The following SLC35F5 variants were observed in gnomAD, a reference collection of about 807,000 sequenced individuals.
SLC35F5 encodes the protein solute carrier family 35 member F5.
A neutral mutation model predicts 68.6 loss-of-function variants in SLC35F5; 54 were observed. The observed-to-expected ratio is 0.79, with a 90% CI of 0.63 to 0.99. SLC35F5 has a LOEUF of 0.99. Among genes scored for constraint, SLC35F5 ranks in the 50% least tolerant of loss-of-function variants. SLC35F5 has a pLI of 0.00. For synonymous variants in SLC35F5, 211 were observed against 205.2 expected (o/e 1.03, Z -0.24); for missense variants, 567 against 626.9 (o/e 0.90, Z 1.02).
rs1337740821 is a variant in SLC35F5, at chr2:113,710,366, G to A, written c.*4852C>T. Among the ~76,000 whole-genome samples the A allele has an allele frequency of 6.6e-6, 1 of 152,158 alleles. No homozygotes were observed. Among genetic ancestry groups the A allele is most frequent in the Non-Finnish European group, 1.5e-5 (1 of 68,024 alleles). ...GATGTTACATGGTCTGACTGACACT[G>A]GATTTCTTCATAAGAAAAATAAATG... On this transcript the variant is annotated 3_prime_UTR_variant, in exon 16 of 16. Transcript: ENST00000245680.
intron 11 of SLC35F5, among the ~76,000 whole-genome samples, chr2:113,727,936 T>C (rs1465434221): frequency 6.6e-6 from 1 of 152,202 alleles, no homozygotes; most frequent in Non-Finnish European, 1.5e-5. Context: ...AAAACTAGCA[T>C]TTTATTCCAT....
intron 8 of SLC35F5, 141 bp downstream of exon 8, chr2:113,735,636 A>G: frequency 1.9e-6 from 1 of 529,542 alleles, no homozygotes; most frequent in South Asian, 2.8e-5. Context: ...ACAGATTAAA[A>G]GGCAGTTGTA....
chr2:113,718,706 A>C (rs1257823221), intron 14 of SLC35F5, among the ~76,000 whole-genome samples: 1 of 152,014 alleles, frequency 6.6e-6, no homozygotes, highest in East Asian at 1.9e-4. Context: ...GAGGCAGGAG[A>C]ATCACTTGAA....
intron 11 of SLC35F5, among the ~76,000 whole-genome samples, chr2:113,726,342 A>G (rs867809252): frequency 1.2e-4 from 19 of 152,236 alleles, no homozygotes; most frequent in African/African-American, 4.6e-4. Flanking sequence ...ATATTATTAT[A>G]GAAATTAAGT....
At chr2:113,717,569 T>C in intron 15 of SLC35F5, 184 bp downstream of exon 15, 1 of 417,512 alleles carries the variant, frequency 2.4e-6, no homozygotes. Context: ...CATCAAGAGA[T>C]TAAGAACCTT....
chr2:113,741,694 TC>T (rs1254477560), intron 7 of SLC35F5, among the ~76,000 whole-genome samples: 1 of 97,312 alleles, frequency 1.0e-5, no homozygotes, highest in Non-Finnish European at 2.2e-5. Context: ...AGAGCGAAAC[TC>T]CATTAAAAAA....
chr2:113,739,660 A>G (rs1455820932), intron 7 of SLC35F5, among the ~76,000 whole-genome samples: 1 of 152,176 alleles, frequency 6.6e-6, no homozygotes, highest in Non-Finnish European at 1.5e-5. Context: ...GGCAGGACTA[A>G]AATGTATTAA....
intron 8 of SLC35F5, 31 bp from the exon 9 acceptor site, chr2:113,734,704 C>G (rs1449041841): frequency 7.3e-7 from 1 of 1,372,648 alleles, no homozygotes; most frequent in Admixed American, 1.9e-5. Context: ...AAAAATGGTA[C>G]ATGAGTTTAA....
rs1687092267 is a variant in SLC35F5 at position 113,714,167 on chromosome 2, A to G, written c.*1051T>C. On this transcript the variant is annotated 3_prime_UTR_variant, in exon 16 of 16. Coordinates refer to ENST00000245680, the MANE Select transcript of SLC35F5 (RefSeq NM_025181.5). ...ATTTAATTTATAATCTTAGTAGAGGAAAAGTTCTGATGTGATTTTAAAAAC... is the reference window on the plus strand; with the variant it reads ...ATTTAATTTATAATCTTAGTAGAGGGAAAGTTCTGATGTGATTTTAAAAAC... 1 of 152,148 alleles carries G rather than the reference A, an allele frequency of 6.6e-6. No homozygotes were observed. The highest frequency in any genetic ancestry group is 1.5e-5 in the Non-Finnish European group (1 of 67,988). The allele number at this position is 152,148 out of a possible 1,614,324, so 9.4% of individuals were successfully genotyped here.
chr2:113,742,152 G>T (rs1262296025), intron 7 of SLC35F5: 1 of 152,354 alleles, frequency 6.6e-6, no homozygotes, highest in Non-Finnish European at 1.5e-5. Context: ...TATTCTATGT[G>T]AAATCTTAAG....
At position 113,717,772 on chromosome 2, in the gene SLC35F5, C is replaced by CA; in HGVS notation, c.*2dup. ...ACAAACCTGGGCTACAGACAACAGA[C>CA]AGCTAACTAGCTCCATCCTCCTGAG... On this transcript the variant is annotated 3_prime_UTR_variant, in exon 15 of 16. Transcript: ENST00000245680. 6.2e-7 allele frequency: 1 copy of CA among 1,611,416 alleles called. No individual in the cohort carries two copies. The highest frequency in any genetic ancestry group is 8.5e-7 in the Non-Finnish European group (1 of 1,178,746).
chr2:113,735,433 T>C (rs1688052124), intron 8 of SLC35F5, among the ~76,000 whole-genome samples: 1 of 152,214 alleles, frequency 6.6e-6, no homozygotes, highest in Non-Finnish European at 1.5e-5. Flanking sequence ...GCTTGTAGGC[T>C]ACCAACTTAT....
chr2:113,724,414 G>A (rs1687579342), intron 12 of SLC35F5, among the ~76,000 whole-genome samples: 2 of 152,166 alleles, frequency 1.3e-5, no homozygotes, highest in Admixed American at 6.5e-5. Context: ...ATGAGCAAAT[G>A]GATTATGATT....
chr2:113,751,883 G>C (rs1309474136), intron 3 of SLC35F5, among the ~76,000 whole-genome samples: 1 of 151,948 alleles, frequency 6.6e-6, no homozygotes, highest in East Asian at 1.9e-4. Context: ...TACAAGATGG[G>C]CCCAGGGCAT....
intron 5 of SLC35F5, among the ~76,000 whole-genome samples, chr2:113,745,240 A>G (rs1676441661): frequency 6.6e-6 from 1 of 152,182 alleles, no homozygotes; most frequent in Admixed American, 6.5e-5. Flanking sequence ...ATGATATTAA[A>G]TTATTTTATT....
chr2:113,742,587 A>T, intron 7 of SLC35F5, 105 bp downstream of exon 7: 1 of 1,179,566 alleles, frequency 8.5e-7, no homozygotes, highest in Non-Finnish European at 1.2e-6. Flanking sequence ...AGTCATGATT[A>T]AACAACCTAA....
At chr2:113,718,877 GA>G (rs1162085749) in intron 14 of SLC35F5, among the ~76,000 whole-genome samples, 102 of 37,718 alleles carry the variant, frequency 2.7e-3, no homozygotes, top group African/African-American at 6.9e-3. Context: ...AAGAAAGAAA[GA>G]AAGAAAGAAA....
intron 6 of SLC35F5, 74 bp from the exon 7 acceptor site, chr2:113,742,953 G>C: frequency 7.3e-6 from 10 of 1,374,012 alleles, no homozygotes; most frequent in Non-Finnish European, 1.0e-5. Flanking sequence ...TTAATTTACT[G>C]ATAAATGTAT....
chr2:113,742,828 A>C lies in SLC35F5; in HGVS notation c.614T>G (p.Leu205Arg). 1.2e-6 allele frequency: 2 copies of C among 1,614,172 alleles called. No individual in the cohort carries two copies. Among genetic ancestry groups the C allele is most frequent in the Non-Finnish European group, 1.7e-6 (2 of 1,180,010 alleles). The change falls in exon 7 of 16, where the codon CTT (leucine) becomes CGT (arginine). Residue 205 changes from leucine (L) to arginine (R), a missense_variant. Transcript: ENST00000245680. ...RFSNIMEIRQ[L>R]PSSHALEAKL... ...TGCTTCCAATGCATGACTTGACGGAAGCTGTCGAATCTCCATGATATTACT... is the reference window on the plus strand; with the variant it reads ...TGCTTCCAATGCATGACTTGACGGACGCTGTCGAATCTCCATGATATTACT...
Sources: gnomAD v4.1 joint callset for allele counts (sites outside exome capture counted in the v4.1 genomes callset) on GRCh38, gnomAD v4.1.1 for gene constraint, MANE v1.5 for transcripts, NCBI Gene and HGNC (gene_info 2026-07-23, HGNC 2026-07-21) for gene names.